The following TENM2 variants were observed in gnomAD, a reference collection of about 807,000 sequenced individuals.
The protein encoded by TENM2 is teneurin-2.
In TENM2, 52 loss-of-function variants were observed where a neutral mutation model predicts 245.2. The ratio of observed to expected loss-of-function variants is 0.21; its 90% CI spans 0.17 to 0.27. TENM2 has a LOEUF of 0.27. TENM2 is among the 10% of genes least tolerant of loss of function. TENM2 has a pLI of 1.00. For missense variants in TENM2, 3,046 were observed against 3,666.8 expected, an observed-to-expected ratio of 0.83 and a Z score of 4.37; for synonymous variants, 1,363 against 1,438.9, an observed-to-expected ratio of 0.95 and a Z score of 1.19.
chr5:167,998,956 T>C (rs1562032919), intron 5 of TENM2, among the ~76,000 whole-genome samples: 1 of 152,242 alleles, frequency 6.6e-6, no homozygotes. Flanking sequence ...AAAATTGATA[T>C]GTTGAGACTC....
In TENM2 at chr5:167,609,488, C is replaced by CAAAAAAAAAAA. The variant is rs5873049; in HGVS notation, c.502+234029_502+234039dup. ...TGCCTTTTTTCTTTGCCTGATGATGCAAAAAAAAAAAAAAAAAAAAAAAAC... is the reference window on the plus strand; with the variant it reads ...TGCCTTTTTTCTTTGCCTGATGATGCAAAAAAAAAAAAAAAAAAAAAAAAAAAAAAAAAAAC... On this transcript the variant is annotated intron_variant, in intron 2 of 28. Transcript: ENST00000518659. Among the ~76,000 whole-genome samples, 64 of 36,686 alleles carry CAAAAAAAAAAA rather than the reference C, an allele frequency of 1.7e-3. 1 individual carries two copies. The highest frequency in any genetic ancestry group is 4.4e-3 in the African/African-American group (45 of 10,162). 24.1% of individuals were successfully genotyped at this position (36,686 alleles called of 152,430 possible).
the TENM2 span, among the ~76,000 whole-genome samples, chr5:167,053,452 G>C: frequency 6.6e-6 from 1 of 152,160 alleles, no homozygotes; most frequent in African/African-American, 2.4e-5. Flanking sequence ...TGCTAATTGA[G>C]TGGTCACATA....
chr5:167,012,492 G>A, the TENM2 span, among the ~76,000 whole-genome samples: 3 of 152,194 alleles, frequency 2.0e-5, no homozygotes, highest in African/African-American at 7.2e-5. Context: ...AGACAGTAGT[G>A]GAGCCGGGAA....
At chr5:168,261,874 C>G (rs1245520512) in intron 28 of TENM2, among the ~76,000 whole-genome samples, 175 bp from the exon 31 acceptor site, 1 of 152,184 alleles carries the variant, frequency 6.6e-6, no homozygotes, top group Non-Finnish European at 1.5e-5. Context: ...GTTCAGAGCA[C>G]TGGTAATCAA....
At chr5:167,858,718 C>T (rs1022326424) in intron 2 of TENM2, among the ~76,000 whole-genome samples, 1 of 150,898 alleles carries the variant, frequency 6.6e-6, no homozygotes. Context: ...GAGCCGCTGC[C>T]GCGACCGACC....
the TENM2 span, among the ~76,000 whole-genome samples, chr5:167,134,602 G>C: frequency 6.6e-6 from 1 of 152,206 alleles, no homozygotes; most frequent in Non-Finnish European, 1.5e-5. Flanking sequence ...ATTAGACGCT[G>C]AGCCTGGTTT....
chr5:167,985,127 G>A (rs1783139935), intron 4 of TENM2, among the ~76,000 whole-genome samples: 2 of 152,140 alleles, frequency 1.3e-5, no homozygotes, highest in South Asian at 4.1e-4. Context: ...CAAAGTGCAT[G>A]GCCAGAACCA....
chr5:167,875,500 G>A (rs1773343564), intron 2 of TENM2, among the ~76,000 whole-genome samples: 1 of 152,200 alleles, frequency 6.6e-6, no homozygotes, highest in Admixed American at 6.5e-5. Context: ...CCTTCTGCAA[G>A]CATTGGGAAG....
the TENM2 span, among the ~76,000 whole-genome samples, chr5:167,183,927 T>G: frequency 6.6e-6 from 1 of 152,194 alleles, no homozygotes; most frequent in East Asian, 1.9e-4. Context: ...TAACAGTAAT[T>G]TTGTAATTTT....
At chr5:167,665,619 C>T (rs1582693055) in intron 2 of TENM2, among the ~76,000 whole-genome samples, 1 of 152,218 alleles carries the variant, frequency 6.6e-6, no homozygotes, top group African/African-American at 2.4e-5. Flanking sequence ...AATAAGGTTA[C>T]TTGCGGTTCC....
At chr5:167,087,798 TTTTTTTTTTAAAACAGAG>T in the TENM2 span, among the ~76,000 whole-genome samples, 2 of 152,002 alleles carry the variant, frequency 1.3e-5, no homozygotes, top group Admixed American at 1.3e-4. Flanking sequence ...TCTCTCTTTT[TTTTTTTTTTAAAACAGAG>T]TCTTGCTCTG....
chr5:167,443,979 C>G (rs6884689), intron 2 of TENM2, among the ~76,000 whole-genome samples: 98,299 of 151,880 alleles, frequency 0.65, 31,986 homozygotes, highest in East Asian at 0.73. Flanking sequence ...TTCAAAAAGT[C>G]TTACTTAAAA....
chr5:167,660,963 A>G (rs1755173480), intron 2 of TENM2, among the ~76,000 whole-genome samples: 1 of 152,172 alleles, frequency 6.6e-6, no homozygotes, highest in Admixed American at 6.5e-5. Flanking sequence ...TGAAAAACTT[A>G]GTTGTTAGTA....
At chr5:168,176,204 T>A (rs1380870129) in intron 13 of TENM2, among the ~76,000 whole-genome samples, 1 of 152,184 alleles carries the variant, frequency 6.6e-6, no homozygotes, top group Non-Finnish European at 1.5e-5. Flanking sequence ...CTTTCAGAAG[T>A]CAGATCCTAT....
At chr5:167,576,267 A>T (rs10041625) in intron 2 of TENM2, among the ~76,000 whole-genome samples, 4,795 of 152,012 alleles carry the variant, frequency 0.032, 254 homozygotes, top group African/African-American at 0.11. Flanking sequence ...AAACTATTTG[A>T]TTCATATAAA....
At chr5:167,024,296 T>C in the TENM2 span, among the ~76,000 whole-genome samples, 1 of 152,242 alleles carries the variant, frequency 6.6e-6, no homozygotes. Context: ...TTGTTAAGTA[T>C]GACATGTGCA....
chr5:167,414,796 A>T (rs1581976995), intron 2 of TENM2, among the ~76,000 whole-genome samples: 1 of 152,140 alleles, frequency 6.6e-6, no homozygotes, highest in Admixed American at 6.6e-5. Flanking sequence ...CTGGTTAAAG[A>T]TCACTCATCT....
At chr5:167,195,043 T>A in the TENM2 span, among the ~76,000 whole-genome samples, 6 of 152,130 alleles carry the variant, frequency 3.9e-5, 1 homozygote, top group South Asian at 1.2e-3. Flanking sequence ...TATGATATAT[T>A]TATACTAATC....
chr5:167,730,248 G>A (rs1400711580), intron 2 of TENM2, among the ~76,000 whole-genome samples: 2 of 152,168 alleles, frequency 1.3e-5, no homozygotes, highest in African/African-American at 4.8e-5. Context: ...GGAATTTTTG[G>A]TCACTTATGC....
Sources: allele counts gnomAD v4.1 joint callset (sites outside exome capture counted in the v4.1 genomes callset), GRCh38; gene constraint gnomAD v4.1.1; transcripts MANE v1.5; gene names NCBI Gene and HGNC (gene_info 2026-07-23, HGNC 2026-07-21).